The following CHSY3 variants were observed in gnomAD, a reference collection of about 807,000 sequenced individuals.
CHSY3 encodes the protein N-acetylgalactosaminyl-proteoglycan 3-beta-glucuronosyltransferase 3.
A neutral mutation model predicts 67.2 loss-of-function variants in CHSY3; 35 were observed. That is an observed-to-expected ratio of 0.52 (90% confidence interval 0.40 to 0.69). CHSY3 has a LOEUF of 0.69. Among genes scored for constraint, CHSY3 ranks in the 30% least tolerant of loss-of-function variants. The pLI is 0.00. For synonymous variants in CHSY3, 474 were observed against 434.7 expected (o/e 1.09, Z -1.12); for missense variants, 1,069 against 1,138.5 (o/e 0.94, Z 0.88).
intron 2 of CHSY3, among the ~76,000 whole-genome samples, chr5:130,082,191 T>G (rs1766467737): frequency 6.6e-6 from 1 of 152,036 alleles, no homozygotes; most frequent in Admixed American, 6.6e-5. Flanking sequence ...TTCATGGAAT[T>G]ATGATTATTA....
intron 2 of CHSY3, among the ~76,000 whole-genome samples, chr5:129,928,372 TTTTA>T (rs1468829314): frequency 6.6e-6 from 1 of 152,126 alleles, no homozygotes; most frequent in Non-Finnish European, 1.5e-5. Flanking sequence ...AAACAAGTTT[TTTTA>T]TTTAACAGTT....
intron 2 of CHSY3, among the ~76,000 whole-genome samples, chr5:129,989,331 G>T (rs563666856): frequency 6.8e-6 from 1 of 147,916 alleles, no homozygotes; most frequent in Non-Finnish European, 1.5e-5. Context: ...GTGGGATCTC[G>T]GCTCAGTGCA....
At chr5:129,935,935 T>A (rs1435808075) in intron 2 of CHSY3, among the ~76,000 whole-genome samples, 1 of 152,142 alleles carries the variant, frequency 6.6e-6, no homozygotes, top group East Asian at 1.9e-4. Flanking sequence ...GGAACTACAC[T>A]GAGAACAACC....
At chr5:130,174,012 A>G (rs973390830) in intron 2 of CHSY3, among the ~76,000 whole-genome samples, 2 of 152,110 alleles carry the variant, frequency 1.3e-5, no homozygotes, top group African/African-American at 4.8e-5. Context: ...AGTCATTTTC[A>G]TTAAGGACAA....
intron 2 of CHSY3, among the ~76,000 whole-genome samples, chr5:130,085,782 T>C (rs1766596848): frequency 6.6e-6 from 1 of 152,154 alleles, no homozygotes. Context: ...CTGCTTTGAA[T>C]GTGTCCCAGA....
At chr5:129,915,916 A>T (rs1469354868) in intron 2 of CHSY3, among the ~76,000 whole-genome samples, 2 of 152,186 alleles carry the variant, frequency 1.3e-5, no homozygotes, top group Non-Finnish European at 2.9e-5. Flanking sequence ...GGAAGTTGTG[A>T]GGGATGTAGC....
chr5:130,091,462 C>G (rs961726686), intron 2 of CHSY3, among the ~76,000 whole-genome samples: 2 of 152,158 alleles, frequency 1.3e-5, no homozygotes, highest in African/African-American at 4.8e-5. Context: ...TACTCATTGC[C>G]TTATCTGCAA....
intron 2 of CHSY3, among the ~76,000 whole-genome samples, chr5:130,043,539 T>C (rs1013296802): frequency 2.0e-5 from 3 of 152,144 alleles, no homozygotes; most frequent in Admixed American, 6.6e-5. Flanking sequence ...TCTGTTTTGG[T>C]GGACAGGAAT....
chr5:130,175,376 A>G (rs1031920150), intron 2 of CHSY3, among the ~76,000 whole-genome samples: 2 of 152,188 alleles, frequency 1.3e-5, no homozygotes, highest in Non-Finnish European at 2.9e-5. Context: ...CAAATGGAAA[A>G]ACATTCCATG....
chr5:130,085,382 A>G (rs1177904841), intron 2 of CHSY3, among the ~76,000 whole-genome samples: 5 of 152,058 alleles, frequency 3.3e-5, no homozygotes, highest in Non-Finnish European at 2.9e-5. Context: ...AAAATAGTCT[A>G]TAATTATGAT....
At chr5:129,986,918 T>C (rs190686691) in intron 2 of CHSY3, among the ~76,000 whole-genome samples, 204 of 152,322 alleles carry the variant, frequency 1.3e-3, no homozygotes, top group African/African-American at 4.7e-3. Flanking sequence ...ACTGGGATTA[T>C]AGGAGTCAGC....
intron 2 of CHSY3, among the ~76,000 whole-genome samples, chr5:130,085,916 G>A (rs546032565): frequency 3.9e-5 from 6 of 152,184 alleles, no homozygotes; most frequent in South Asian, 2.1e-4. Flanking sequence ...GTAGTTGAGC[G>A]GTTTTGGGTG....
chr5:130,020,461 A>ATT (rs1196155924), intron 2 of CHSY3, among the ~76,000 whole-genome samples: 216 of 79,710 alleles, frequency 2.7e-3, no homozygotes, highest in Non-Finnish European at 3.3e-3. Context: ...ATATATATAT[A>ATT]TTTTTTTTTT....
intron 2 of CHSY3, chr5:130,001,964 A>G: frequency 8.3e-6 from 7 of 839,794 alleles, no homozygotes; most frequent in Non-Finnish European, 1.0e-5. Flanking sequence ...GCCAATCCTT[A>G]TATTGGCTAC....
chr5:130,037,375 T>A (rs1189467712), intron 2 of CHSY3, among the ~76,000 whole-genome samples: 1 of 152,134 alleles, frequency 6.6e-6, no homozygotes, highest in African/African-American at 2.4e-5. Context: ...CAAATCATGA[T>A]GTGCCCACAG....
chr5:130,100,200 T>A (rs2149697978), intron 2 of CHSY3, among the ~76,000 whole-genome samples: 1 of 152,258 alleles, frequency 6.6e-6, no homozygotes, highest in East Asian at 1.9e-4. Context: ...TTCTTTTTTT[T>A]GAGACGAGTC....
intron 2 of CHSY3, among the ~76,000 whole-genome samples, chr5:130,045,723 A>T (rs957046922): frequency 1.3e-5 from 2 of 152,034 alleles, no homozygotes; most frequent in African/African-American, 4.8e-5. Context: ...TTCTTCTTCT[A>T]ATTTGCCTCA....
rs568909670 is a variant in CHSY3, at chr5:130,118,293, A to T, written c.1087-65936A>T. ...TATTTTAGCTTTGTTTTCAATATTT[A>T]TAAGTCAGGGCATTTATAATGTTTT... On this transcript the variant is annotated intron_variant, in intron 2 of 2. Transcript: ENST00000305031. 1.4e-4 allele frequency among the ~76,000 whole-genome samples: 21 copies of T among 152,326 alleles called. No individual in the cohort carries two copies. In the South Asian group the frequency reaches 3.5e-3, roughly 26 times the overall value.
chr5:130,179,658 G>A (rs772806858), intron 2 of CHSY3, among the ~76,000 whole-genome samples: 13 of 151,942 alleles, frequency 8.6e-5, no homozygotes, highest in Non-Finnish European at 1.6e-4. Context: ...TTCAAAACCA[G>A]GTGCCTAATG....
Sources: gnomAD v4.1 joint callset for allele counts (sites outside exome capture counted in the v4.1 genomes callset) on GRCh38, gnomAD v4.1.1 for gene constraint, MANE v1.5 for transcripts, NCBI Gene and HGNC (gene_info 2026-07-23, HGNC 2026-07-21) for gene names.